The following RBFOX1 variants were observed in gnomAD, a reference collection of about 807,000 sequenced individuals.
RBFOX1 encodes RNA binding fox-1 homolog 1.
RBFOX1 carries 8 observed loss-of-function variants against 57.7 expected under a neutral mutation model. That is an observed-to-expected ratio of 0.14 (90% CI 0.08 to 0.25). The LOEUF is 0.25. Among genes scored for constraint, RBFOX1 ranks in the 10% least tolerant of loss-of-function variants. RBFOX1 has a pLI of 1.00. For synonymous variants in RBFOX1, 326 were observed against 222.4 expected (o/e 1.47, Z -4.15); for missense variants, 611 against 548.5 (o/e 1.11, Z -1.14).
intron 5 of RBFOX1, among the ~76,000 whole-genome samples, chr16:7,543,057 G>A (rs1314222656): frequency 6.6e-6 from 1 of 152,130 alleles, no homozygotes; most frequent in Non-Finnish European, 1.5e-5. Context: ...CCTATAGGTG[G>A]GGGAAAGAGG....
intron 3 of RBFOX1, among the ~76,000 whole-genome samples, chr16:6,901,641 C>T (rs1427602775): frequency 6.6e-6 from 1 of 152,152 alleles, no homozygotes; most frequent in African/African-American, 2.4e-5. Context: ...TTTCTGGTAA[C>T]CTTCAACAAA....
chr16:5,467,547 G>C (rs937924094), intron 2 of RBFOX1, among the ~76,000 whole-genome samples: 2 of 152,156 alleles, frequency 1.3e-5, no homozygotes, highest in Non-Finnish European at 2.9e-5. Context: ...GGAACAATGA[G>C]GGTGCTTGCC....
At chr16:5,412,812 C>T (rs2067057397) in intron 1 of RBFOX1, among the ~76,000 whole-genome samples, 1 of 152,246 alleles carries the variant, frequency 6.6e-6, no homozygotes, top group Non-Finnish European at 1.5e-5. Flanking sequence ...TCCACCAAGC[C>T]TGTCACAGCT....
At chr16:6,225,921 A>G (rs886663187) in intron 1 of RBFOX1, among the ~76,000 whole-genome samples, 1 of 152,180 alleles carries the variant, frequency 6.6e-6, no homozygotes, top group East Asian at 1.9e-4. Context: ...TTGATAGTTA[A>G]TGGGGGAATT....
chr16:6,403,131 G>T (rs2152956099), intron 2 of RBFOX1, among the ~76,000 whole-genome samples: 1 of 152,284 alleles, frequency 6.6e-6, no homozygotes, highest in African/African-American at 2.4e-5. Context: ...TTTCACTGTG[G>T]GTGCTGAACC....
intron 1 of RBFOX1, among the ~76,000 whole-genome samples, chr16:6,178,367 T>C (rs1190922042): frequency 6.6e-6 from 1 of 151,790 alleles, no homozygotes; most frequent in Non-Finnish European, 1.5e-5. Context: ...GTATTTTTAG[T>C]ATAGATGGGG....
chr16:6,388,921 G>C (rs952815161), intron 2 of RBFOX1, among the ~76,000 whole-genome samples: 2 of 152,196 alleles, frequency 1.3e-5, no homozygotes, highest in Non-Finnish European at 2.9e-5. Context: ...GTTTCCAGGG[G>C]CTGACAGGTG....
chr16:5,477,891 G>C (rs1210130652), intron 2 of RBFOX1, among the ~76,000 whole-genome samples: 1 of 152,176 alleles, frequency 6.6e-6, no homozygotes, highest in Non-Finnish European at 1.5e-5. Context: ...CGTTAGCTGA[G>C]ACAGAAAGGG....
intron 2 of RBFOX1, among the ~76,000 whole-genome samples, chr16:6,505,794 A>C (rs1598431238): frequency 6.6e-6 from 1 of 152,230 alleles, no homozygotes; most frequent in African/African-American, 2.4e-5. Context: ...CCTTGGAGGC[A>C]GTGGTTCTGA....
At chr16:7,039,108 G>A (rs73541037) in intron 3 of RBFOX1, among the ~76,000 whole-genome samples, 21,992 of 152,078 alleles carry the variant, frequency 0.14, 2,985 homozygotes, top group African/African-American at 0.34. Context: ...TAGGTCATTC[G>A]AGTGCTAAGA....
At chr16:6,403,289 A>G (rs569900482) in intron 2 of RBFOX1, among the ~76,000 whole-genome samples, 24 of 152,330 alleles carry the variant, frequency 1.6e-4, no homozygotes, top group African/African-American at 5.8e-4. Context: ...TGTCTAAACC[A>G]GACCTGCCAC....
At chr16:6,607,523 CTA>C (rs895192232) in intron 2 of RBFOX1, among the ~76,000 whole-genome samples, 2 of 147,400 alleles carry the variant, frequency 1.4e-5, no homozygotes, top group African/African-American at 2.5e-5. Context: ...TCTCTCCTAT[CTA>C]TCTCCTCTCC....
At chr16:7,661,510 T>C (rs745445630) in intron 12 of RBFOX1, among the ~76,000 whole-genome samples, 19 of 152,166 alleles carry the variant, frequency 1.2e-4, no homozygotes, top group Non-Finnish European at 2.6e-4. Context: ...TTGCTTAGCC[T>C]CTCTCGTCTC....
At chr16:6,479,797 C>T (rs1402630667) in intron 2 of RBFOX1, among the ~76,000 whole-genome samples, 4 of 151,946 alleles carry the variant, frequency 2.6e-5, no homozygotes, top group Non-Finnish European at 5.9e-5. Flanking sequence ...TGCCTGTAAT[C>T]CCAGCACTTT....
chr16:6,949,241 C>A (rs1255428205), intron 3 of RBFOX1, among the ~76,000 whole-genome samples: 1 of 152,076 alleles, frequency 6.6e-6, no homozygotes, highest in Non-Finnish European at 1.5e-5. Flanking sequence ...TAAAAAGCAC[C>A]TTCATCAACA....
chr16:5,739,624 G>C (rs2052704241), intron 3 of RBFOX1, among the ~76,000 whole-genome samples: 1 of 152,236 alleles, frequency 6.6e-6, no homozygotes, highest in Admixed American at 6.5e-5. Context: ...GCAGCAGACA[G>C]AGACGGATGT....
rs2083905580 is a variant in RBFOX1, at chr16:7,710,865, TAAA to T, written c.*123_*125del. On this transcript the variant is annotated 3_prime_UTR_variant, in exon 16 of 16. Coordinates refer to ENST00000550418, the MANE Select transcript of RBFOX1 (RefSeq NM_018723.4). ...ACTCTAAAAAAAAAAAAAATACAAA[TAAA>T]AAGGAAAAAAAATTACATTTTTTAT... The T allele has an allele frequency of 2.9e-6, 3 of 1,027,528 alleles. No individual in the cohort carries two copies. Among genetic ancestry groups the T allele is most frequent in the Admixed American group, 3.6e-5 (1 of 27,516 alleles). The allele number at this position is 1,027,528 out of a possible 1,614,324, so 63.7% of individuals were successfully genotyped here.
intron 3 of RBFOX1, among the ~76,000 whole-genome samples, chr16:5,674,530 C>T (rs1418492408): frequency 6.6e-6 from 1 of 152,158 alleles, no homozygotes; most frequent in Admixed American, 6.5e-5. Flanking sequence ...AAGGAACTTA[C>T]AGAGCAAAGG....
chr16:5,934,534 G>T (rs2059130356), intron 4 of RBFOX1, among the ~76,000 whole-genome samples: 1 of 152,216 alleles, frequency 6.6e-6, no homozygotes, highest in African/African-American at 2.4e-5. Flanking sequence ...TCACGTTGCA[G>T]ATCAGGAGAC....
Sources: allele counts gnomAD v4.1 joint callset (sites outside exome capture counted in the v4.1 genomes callset), GRCh38; gene constraint gnomAD v4.1.1; transcripts MANE v1.5; gene names NCBI Gene and HGNC (gene_info 2026-07-23, HGNC 2026-07-21).